Variants in NKAIN2 observed in about 807,000 individuals in gnomAD.
The protein encoded by NKAIN2 is sodium/potassium-transporting ATPase subunit beta-1-interacting protein 2.
NKAIN2 carries 14 observed loss-of-function variants against 32.6 expected under a neutral mutation model. That is an observed-to-expected ratio of 0.43 (90% CI 0.28 to 0.67). The LOEUF (loss-of-function observed/expected upper bound fraction) is 0.67. NKAIN2 is among the 30% of genes least tolerant of loss of function. The pLI, the probability that NKAIN2 is intolerant of heterozygous loss-of-function variation, is 0.17. For synonymous variants in NKAIN2, 80 were observed against 87.2 expected (o/e 0.92, Z 0.46); for missense variants, 198 against 258.3 (o/e 0.77, Z 1.60).
chr6:124,465,135 T>C (rs866831704), intron 3 of NKAIN2, among the ~76,000 whole-genome samples: 56 of 152,144 alleles, frequency 3.7e-4, no homozygotes, highest in African/African-American at 1.2e-3. Context: ...TTGCAAGGTA[T>C]ATACCCAAAG....
intron 1 of NKAIN2, among the ~76,000 whole-genome samples, chr6:124,227,152 T>C (rs1188235193): frequency 6.6e-6 from 1 of 152,022 alleles, no homozygotes; most frequent in African/African-American, 2.4e-5. Flanking sequence ...ACCTCCTTAT[T>C]GAGTGCATTT....
chr6:124,355,408 A>T, intron 3 of NKAIN2, 61 bp downstream of exon 3: 1 of 907,376 alleles, frequency 1.1e-6, no homozygotes, highest in Non-Finnish European at 1.9e-6. Context: ...CTTCCTAAGT[A>T]AGGCAGAGTC....
chr6:124,252,374 C>G (rs1793726119), intron 1 of NKAIN2, among the ~76,000 whole-genome samples: 1 of 151,938 alleles, frequency 6.6e-6, no homozygotes, highest in South Asian at 2.1e-4. Flanking sequence ...TTTAGCGATA[C>G]AGACATAGGT....
At chr6:123,924,667 G>T (rs1195911624) in intron 1 of NKAIN2, among the ~76,000 whole-genome samples, 1 of 152,058 alleles carries the variant, frequency 6.6e-6, no homozygotes, top group African/African-American at 2.4e-5. Context: ...GCTTTCTGTG[G>T]CTCCATTTCT....
In NKAIN2 at chr6:123,911,799, A is replaced by ATGTGTATATATATATATATG. The variant is rs59861466; in HGVS notation, c.54+107548_54+107549insGTATATATATATATATGTGT. On this transcript the variant is annotated intron_variant, in intron 1 of 6. Coordinates refer to ENST00000368417, the MANE Select transcript of NKAIN2 (RefSeq NM_001040214.3). ...CATACATACATATATATATATATAT[A>ATGTGTATATATATATATATG]TGTATATATATATACACACACACAC... Among the ~76,000 whole-genome samples, 15 of 99,306 alleles carry ATGTGTATATATATATATATG rather than the reference A, an allele frequency of 1.5e-4. 1 individual carries two copies. Among genetic ancestry groups the ATGTGTATATATATATATATG allele is most frequent in the Middle Eastern group, 4.6e-3 (1 of 216 alleles). The allele number at this position is 99,306 out of a possible 152,430, so 65.1% of individuals were successfully genotyped here.
intron 1 of NKAIN2, among the ~76,000 whole-genome samples, chr6:124,049,512 C>T (rs1263846517): frequency 6.6e-6 from 1 of 152,038 alleles, no homozygotes; most frequent in Non-Finnish European, 1.5e-5. Context: ...TCACTCGGTC[C>T]ACGATGAATT....
At chr6:124,050,353 A>G (rs1782346254) in intron 1 of NKAIN2, among the ~76,000 whole-genome samples, 1 of 152,030 alleles carries the variant, frequency 6.6e-6, no homozygotes, top group African/African-American at 2.4e-5. Flanking sequence ...TATCTACAGA[A>G]GAAGTAAAAT....
intron 3 of NKAIN2, among the ~76,000 whole-genome samples, chr6:124,560,374 C>T (rs1479243659): frequency 6.6e-6 from 1 of 152,168 alleles, no homozygotes; most frequent in Non-Finnish European, 1.5e-5. Context: ...GAGGCCTCCC[C>T]AGCCATGCTG....
chr6:124,253,201 G>A (rs1793764990), intron 1 of NKAIN2, among the ~76,000 whole-genome samples: 1 of 152,104 alleles, frequency 6.6e-6, no homozygotes, highest in Admixed American at 6.6e-5. Flanking sequence ...CAGTGTGGAA[G>A]CCTTGCACAT....
intron 1 of NKAIN2, among the ~76,000 whole-genome samples, chr6:123,914,225 G>GAGAC (rs999175565): frequency 7.9e-5 from 12 of 151,748 alleles, no homozygotes; most frequent in Admixed American, 1.3e-4. Context: ...GAGAGAGAGA[G>GAGAC]AGACAGACAG....
In NKAIN2 at chr6:124,182,168, G is replaced by A. The variant is rs955376929; in HGVS notation, c.55-100837G>A. 3.2e-4 allele frequency among the ~76,000 whole-genome samples: 49 copies of A among 152,218 alleles called. 1 individual carries two copies. Among genetic ancestry groups the A allele is most frequent in the Non-Finnish European group, 6.8e-4 (46 of 68,014 alleles). ...GGGAACTCTCCTTTATAAAACCATCGTATCTCATGAGACTCATTCACTATC... is the reference window on the plus strand; with the variant it reads ...GGGAACTCTCCTTTATAAAACCATCATATCTCATGAGACTCATTCACTATC... On this transcript the variant is annotated intron_variant, in intron 1 of 6. Transcript: ENST00000368417.
At chr6:124,159,256 A>G (rs1788148512) in intron 1 of NKAIN2, among the ~76,000 whole-genome samples, 1 of 152,218 alleles carries the variant, frequency 6.6e-6, no homozygotes, top group Non-Finnish European at 1.5e-5. Flanking sequence ...ATGCCAGTAT[A>G]TGCAAACACT....
chr6:124,280,916 A>G (rs548786446), intron 1 of NKAIN2, among the ~76,000 whole-genome samples: 1 of 152,314 alleles, frequency 6.6e-6, no homozygotes, highest in African/African-American at 2.4e-5. Context: ...AGAATTACAG[A>G]TTAGCTTGTT....
intron 3 of NKAIN2, among the ~76,000 whole-genome samples, chr6:124,552,562 A>G: frequency 6.6e-6 from 1 of 152,232 alleles, no homozygotes; most frequent in Non-Finnish European, 1.5e-5. Context: ...TCTTATATAA[A>G]GGAATAAAAA....
At position 124,824,200 on chromosome 6, in the gene NKAIN2, A is replaced by G. The variant is rs1257330092; in HGVS notation, c.*971A>G. 1.0e-4 allele frequency: 16 copies of G among 152,604 alleles called. No individual in the cohort carries two copies. 9.5% of individuals were successfully genotyped at this position (152,604 alleles called of 1,614,324 possible). On this transcript the variant is annotated 3_prime_UTR_variant, in exon 7 of 7. Transcript: ENST00000368417. ...CTAGGTGCTTTTATAAGTATCTACA[A>G]TTGTCTTTTACTAACACAGAAACAG...
intron 1 of NKAIN2, among the ~76,000 whole-genome samples, chr6:123,906,432 A>G (rs1301177800): frequency 6.6e-6 from 1 of 152,088 alleles, no homozygotes; most frequent in East Asian, 1.9e-4. Context: ...CTGGGACTAC[A>G]GGCATGCGCC....
intron 1 of NKAIN2, among the ~76,000 whole-genome samples, chr6:124,197,011 G>GA (rs1364978252): frequency 6.6e-6 from 1 of 151,442 alleles, no homozygotes; most frequent in Non-Finnish European, 1.5e-5. Context: ...ATTAGAGAAA[G>GA]AAAAAATGTT....
chr6:123,915,675 A>G (rs1775455453), intron 1 of NKAIN2, among the ~76,000 whole-genome samples: 1 of 152,190 alleles, frequency 6.6e-6, no homozygotes, highest in African/African-American at 2.4e-5. Flanking sequence ...AATACTTCAA[A>G]TTGATCTATA....
chr6:123,974,634 AT>A (rs1439596310), intron 1 of NKAIN2, among the ~76,000 whole-genome samples: 7 of 152,298 alleles, frequency 4.6e-5, no homozygotes, highest in African/African-American at 9.6e-5. Flanking sequence ...AAGGTTGACC[AT>A]TGAATTGAAG....
Sources: gnomAD v4.1 joint callset for allele counts (sites outside exome capture counted in the v4.1 genomes callset) on GRCh38, gnomAD v4.1.1 for gene constraint, MANE v1.5 for transcripts, NCBI Gene and HGNC (gene_info 2026-07-23, HGNC 2026-07-21) for gene names.